Variants in WDR43 observed in about 807,000 individuals in gnomAD.
WDR43 encodes the protein WD repeat-containing protein 43.
A neutral mutation model predicts 91.4 loss-of-function variants in WDR43; 13 were observed. The observed-to-expected ratio is 0.14, with a 90% CI of 0.09 to 0.23. The LOEUF (loss-of-function observed/expected upper bound fraction) is 0.23. Ranked by LOEUF, WDR43 falls within the 10% of genes least tolerant of loss-of-function variation. WDR43 has a pLI of 1.00. For synonymous variants in WDR43, 331 were observed against 287.9 expected (o/e 1.15, Z -1.51); for missense variants, 780 against 809.4 (o/e 0.96, Z 0.44).
chr2:28,920,216 T>C (rs911480726), intron 6 of WDR43, among the ~76,000 whole-genome samples: 8 of 135,128 alleles, frequency 5.9e-5, no homozygotes, highest in Admixed American at 5.4e-4. Context: ...AATAAATTTT[T>C]TTTCTTTCTT....
At chr2:28,929,841 G>A in intron 11 of WDR43, 131 bp downstream of exon 11, 2 of 964,990 alleles carry the variant, frequency 2.1e-6, no homozygotes, top group South Asian at 3.4e-5. Context: ...TATGAGTTTA[G>A]TCAAACATGT....
chr2:28,932,601 C>T (rs924678294), intron 11 of WDR43, among the ~76,000 whole-genome samples: 3 of 152,124 alleles, frequency 2.0e-5, no homozygotes, highest in Non-Finnish European at 4.4e-5. Flanking sequence ...TTTCCCCCTT[C>T]CCAAAAGCTG....
intron 6 of WDR43, among the ~76,000 whole-genome samples, chr2:28,922,224 A>T (rs12611952): frequency 2.0e-5 from 3 of 152,226 alleles, no homozygotes; most frequent in Admixed American, 1.3e-4. Context: ...AACACTTTAT[A>T]TATTTCATTT....
Position 28,894,685 on chromosome 2 carries a change from G to A in WDR43, c.-14G>A, listed in dbSNP as rs1196098821. Reference sequence around the variant, plus strand: ...CACGGACGAACACGTGGCTGCAGCGGGGCCAGAGCAGCAATGGCGGCGGGC... The same window carrying A: ...CACGGACGAACACGTGGCTGCAGCGAGGCCAGAGCAGCAATGGCGGCGGGC... On this transcript the variant is annotated 5_prime_UTR_variant, in exon 1 of 18. Coordinates refer to ENST00000407426, the MANE Select transcript of WDR43 (RefSeq NM_015131.3). 7 of 1,547,572 alleles carry A rather than the reference G, an allele frequency of 4.5e-6. No individual in the cohort carries two copies. The highest frequency in any genetic ancestry group is 6.1e-6 in the Non-Finnish European group (7 of 1,145,262).
intron 16 of WDR43, among the ~76,000 whole-genome samples, chr2:28,946,027 A>T (rs1671537014): frequency 6.6e-6 from 1 of 152,184 alleles, no homozygotes; most frequent in Non-Finnish European, 1.5e-5. Context: ...TATAATGAAT[A>T]TACTTTTATA....
chr2:28,906,402 A>T, intron 2 of WDR43, 58 bp from the exon 3 acceptor site: 1 of 1,484,714 alleles, frequency 6.7e-7, no homozygotes, highest in African/African-American at 1.4e-5. Context: ...AAGGAGGATC[A>T]TTTGAGCCCA....
intron 16 of WDR43, among the ~76,000 whole-genome samples, chr2:28,942,981 T>C (rs1049965493): frequency 6.6e-6 from 1 of 152,080 alleles, no homozygotes; most frequent in Non-Finnish European, 1.5e-5. Context: ...GGTGGTATAG[T>C]TAATTTTTAA....
chr2:28,901,992 TC>T lies in WDR43; in HGVS notation c.235del (p.Gln79ArgfsTer10). ...APARLQAKES[P>X]QRKKRKSEAV... ...TTGTTTTTCTTTTTTTCCAGGAAAG[TC>T]CCCAGAGGAAAAAAAGGAAATCAGA... is the stretch of plus-strand genomic sequence containing the variant. On this transcript the variant is annotated frameshift_variant, in exon 2 of 18. Transcript: ENST00000407426. LOFTEE classifies it high-confidence loss of function. 1 of 1,587,114 alleles carries T rather than the reference TC, an allele frequency of 6.3e-7. No individual in the cohort carries two copies. The highest frequency in any genetic ancestry group is 1.2e-5 in the South Asian group (1 of 85,372).
chr2:28,942,213 G>A (rs2148200654), intron 15 of WDR43, 99 bp from the exon 16 acceptor site: 1 of 1,169,368 alleles, frequency 8.6e-7, no homozygotes, highest in Non-Finnish European at 1.2e-6. Flanking sequence ...TGGAGGGTGA[G>A]TTAGCAGCAA....
chr2:28,903,457 C>A (rs902519621), intron 2 of WDR43, among the ~76,000 whole-genome samples: 1 of 152,070 alleles, frequency 6.6e-6, no homozygotes, highest in African/African-American at 2.4e-5. Context: ...AATAGCCCAA[C>A]AAAACAGCAA....
intron 12 of WDR43, 54 bp from the exon 13 acceptor site, chr2:28,936,868 C>T: frequency 1.4e-6 from 2 of 1,472,914 alleles, no homozygotes; most frequent in African/African-American, 2.8e-5. Context: ...TAGGAATTGA[C>T]AGCATTGGTT....
At chr2:28,932,719 G>T (rs537804344) in intron 11 of WDR43, among the ~76,000 whole-genome samples, 4 of 152,294 alleles carry the variant, frequency 2.6e-5, no homozygotes, top group African/African-American at 9.6e-5. Context: ...AATACTGTCT[G>T]TCATAGAAAA....
At chr2:28,928,226 A>T (rs1328440956) in intron 10 of WDR43, among the ~76,000 whole-genome samples, 4 of 152,176 alleles carry the variant, frequency 2.6e-5, no homozygotes, top group Non-Finnish European at 5.9e-5. Context: ...TCCCTCTTAC[A>T]TAAGGAATCT....
chr2:28,921,230 C>T (rs762446566), intron 6 of WDR43, among the ~76,000 whole-genome samples: 23 of 151,624 alleles, frequency 1.5e-4, no homozygotes, highest in Non-Finnish European at 2.8e-4. Flanking sequence ...CGGGTTCAAG[C>T]GATTCTCCTG....
intron 1 of WDR43, among the ~76,000 whole-genome samples, chr2:28,901,308 T>C (rs567620281): frequency 6.6e-6 from 1 of 152,362 alleles, no homozygotes; most frequent in Non-Finnish European, 1.5e-5. Flanking sequence ...GCTGTTAACA[T>C]CACTTTTGAA....
intron 1 of WDR43, chr2:28,895,127 C>G (rs975697286): frequency 1.4e-5 from 6 of 418,436 alleles, no homozygotes; most frequent in African/African-American, 8.3e-5. Flanking sequence ...GGGCGCAGCT[C>G]GACCCGGCCG....
intron 3 of WDR43, among the ~76,000 whole-genome samples, chr2:28,909,420 A>G (rs908691831): frequency 1.2e-4 from 18 of 152,146 alleles, no homozygotes; most frequent in African/African-American, 3.1e-4. Flanking sequence ...GGTGTGAGCT[A>G]CCATGCCTAG....
In WDR43 at chr2:28,925,168, C is replaced by G; in HGVS notation, c.1086+15C>G. 4 of 1,599,678 alleles carry G rather than the reference C, an allele frequency of 2.5e-6. 1 individual carries two copies. Among genetic ancestry groups the G allele is most frequent in the Non-Finnish European group, 1.7e-6 (2 of 1,172,446 alleles). On this transcript the variant is annotated intron_variant, in intron 8 of 17. Coordinates refer to ENST00000407426, the MANE Select transcript of WDR43 (RefSeq NM_015131.3). ...TTGAGCGAGTGGTACGTAGCTGCTA[C>G]TCTGGAGTAAAGCAATATAGCATCC...
intron 1 of WDR43, among the ~76,000 whole-genome samples, chr2:28,896,616 A>G (rs1345716271): frequency 6.6e-6 from 1 of 152,208 alleles, no homozygotes; most frequent in East Asian, 1.9e-4. Context: ...TATCTGCAAC[A>G]GATAGTTAAT....
Sources: gnomAD v4.1 joint callset for allele counts (sites outside exome capture counted in the v4.1 genomes callset) on GRCh38, gnomAD v4.1.1 for gene constraint, MANE v1.5 for transcripts, NCBI Gene and HGNC (gene_info 2026-07-23, HGNC 2026-07-21) for gene names.